Variants in CLCC1 observed in about 807,000 individuals in gnomAD.
CLCC1 encodes the protein chloride channel CLIC-like protein 1.
In CLCC1, 39 loss-of-function variants were observed where a neutral mutation model predicts 63.3. That is an observed-to-expected ratio of 0.62 (90% CI 0.48 to 0.81). The LOEUF (loss-of-function observed/expected upper bound fraction) is 0.81. CLCC1 is among the 30% of genes least tolerant of loss of function. The pLI is 0.00. For missense variants in CLCC1, 549 were observed against 669.4 expected, an observed-to-expected ratio of 0.82 and a Z score of 1.98; for synonymous variants, 217 against 239.8, an observed-to-expected ratio of 0.90 and a Z score of 0.88.
chr1:108,942,168 G>A (rs561360795), intron 7 of CLCC1, among the ~76,000 whole-genome samples: 1 of 152,254 alleles, frequency 6.6e-6, no homozygotes, highest in East Asian at 1.9e-4. Context: ...AACCCGGGAG[G>A]TGGAGGTTGC....
At chr1:108,958,405 A>G (rs1352092772) in intron 2 of CLCC1, among the ~76,000 whole-genome samples, 1 of 151,350 alleles carries the variant, frequency 6.6e-6, no homozygotes, top group African/African-American at 2.5e-5. Flanking sequence ...TAGGTGTCAC[A>G]CTCCAGTCAC....
intron 7 of CLCC1, 129 bp from the exon 8 acceptor site, chr1:108,941,627 T>TA (rs371916059): frequency 7.8e-4 from 377 of 484,568 alleles, no homozygotes; most frequent in East Asian, 1.0e-3. Context: ...AATTTTTAAT[T>TA]AAAAAAAAAC....
Position 108,961,284 on chromosome 1 carries a change from T to TAA in CLCC1, c.-12+1023_-12+1024dup, listed in dbSNP as rs5776958. On this transcript the variant is annotated intron_variant, in intron 2 of 12. Transcript: ENST00000369969. ...CATCTAAACCTGCTGAAGAGTTTGT[T>TAA]AAAAAAAAAAAAAAACGATTCTGAT... is the stretch of plus-strand genomic sequence containing the variant. 2.5e-3 allele frequency among the ~76,000 whole-genome samples: 339 copies of TAA among 133,916 alleles called. 13 individuals are homozygous for TAA. Among genetic ancestry groups the TAA allele is most frequent in the Middle Eastern group, 7.6e-3 (2 of 264 alleles). 87.9% of individuals were successfully genotyped at this position (133,916 alleles called of 152,430 possible).
rs1377228875 is a variant in CLCC1 at position 108,955,630 on chromosome 1, G to A, written c.-11-5182C>T. ...CTGATGTGTCTGAAGGGGTTTCCAG[G>A]GAAGACTGGTTTGTGAGTCAGCTGA... On this transcript the variant is annotated intron_variant, in intron 2 of 12. Coordinates refer to ENST00000369969, the MANE Select transcript of CLCC1 (RefSeq NM_001377458.1). 5.3e-5 allele frequency among the ~76,000 whole-genome samples: 8 copies of A among 151,628 alleles called. No individual in the cohort carries two copies. The South Asian group carries it at 1.7e-3, about 31-fold the overall frequency.
intron 2 of CLCC1, among the ~76,000 whole-genome samples, chr1:108,953,257 G>GC (rs1230807435): frequency 6.6e-6 from 1 of 152,206 alleles, no homozygotes; most frequent in Non-Finnish European, 1.5e-5. Context: ...TTCCCCATGT[G>GC]CCCTGTATAT....
intron 1 of CLCC1, among the ~76,000 whole-genome samples, 193 bp downstream of exon 1, chr1:108,963,168 G>C (rs1041457395): frequency 2.6e-5 from 4 of 152,224 alleles, no homozygotes; most frequent in African/African-American, 9.6e-5. Flanking sequence ...GCAGCCGCCG[G>C]CGCGGGAGCT....
intron 4 of CLCC1, among the ~76,000 whole-genome samples, chr1:108,948,279 G>A (rs76071478): frequency 0.019 from 2,847 of 152,288 alleles, 86 homozygotes; most frequent in African/African-American, 0.064. Flanking sequence ...CAGGAAGGCA[G>A]GAACTGCAGC....
intron 2 of CLCC1, among the ~76,000 whole-genome samples, chr1:108,961,761 G>T (rs1466520250): frequency 6.6e-6 from 1 of 151,958 alleles, no homozygotes; most frequent in Non-Finnish European, 1.5e-5. Flanking sequence ...CGGGAGGCTG[G>T]GGCAGGAGAA....
intron 7 of CLCC1, 63 bp downstream of exon 7, chr1:108,943,412 T>G (rs1464815100): frequency 1.3e-6 from 2 of 1,537,952 alleles, no homozygotes; most frequent in Admixed American, 1.7e-5. Flanking sequence ...CTCAATGGAT[T>G]AGAGTCTTCT....
chr1:108,955,623 T>A (rs954653310), intron 2 of CLCC1, among the ~76,000 whole-genome samples: 1 of 151,238 alleles, frequency 6.6e-6, no homozygotes, highest in Non-Finnish European at 1.5e-5. Flanking sequence ...TCTGAAGGGG[T>A]TTCCAGGGAA....
rs918365470 is a variant in CLCC1, at chr1:108,941,407, C to T, written c.794G>A (p.Trp265Ter). 6.2e-7 allele frequency: 1 copy of T among 1,613,480 alleles called. No individual in the cohort carries two copies. The highest frequency in any genetic ancestry group is 1.3e-5 in the African/African-American group (1 of 74,918). The change falls in exon 8 of 13, where the codon TGG becomes TAG. Residue 265 changes from tryptophan (W) to a stop codon, truncating the protein, a stop_gained and splice_region_variant. Coordinates refer to ENST00000369969, the MANE Select transcript of CLCC1 (RefSeq NM_001377458.1). LOFTEE classifies it high-confidence loss of function. ...GGACAAGTGCACAAACACCTTACCC[C>T]AGATACTTCCAGTCCAGTCCATCTT... ...AKKMDWTGSI[W>*]EWFRSSWTYK... is the part of the protein sequence containing the mutation.
rs372480026 is a variant in CLCC1, at chr1:108,941,482, T to C, written c.719A>G (p.His240Arg). 6.2e-6 allele frequency: 10 copies of C among 1,614,166 alleles called. No homozygotes were observed. Among genetic ancestry groups the C allele is most frequent in the Non-Finnish European group, 6.8e-6 (8 of 1,180,032 alleles). Reference protein sequence around the residue: ...MYLYKLAFAQHQAEVAKMEPL... With the variant: ...MYLYKLAFAQRQAEVAKMEPL... The stretch of plus-strand genomic sequence containing the variant: ...CTCCATCTTGGCGACTTCAGCCTGA[T>C]GCTGTGCAAAAGCTAGCTGCCCAAC... The change falls in exon 8 of 13, where the codon CAT becomes CGT. Residue 240 changes from histidine (H) to arginine (R), a missense_variant. Transcript: ENST00000369969.
intron 2 of CLCC1, among the ~76,000 whole-genome samples, chr1:108,956,825 A>G (rs1437226616): frequency 1.7e-5 from 2 of 116,454 alleles, no homozygotes; most frequent in African/African-American, 5.9e-5. Context: ...AAGCTGAAGC[A>G]GTCAAGGAAC....
intron 11 of CLCC1, among the ~76,000 whole-genome samples, chr1:108,936,085 G>GT (rs530980387): frequency 0.027 from 2,364 of 88,068 alleles, 55 homozygotes; most frequent in East Asian, 0.041. Flanking sequence ...ATCTTAAGTT[G>GT]TTTTTTTTTT....
Position 108,931,324 on chromosome 1 carries a change from A to T in CLCC1, c.*1223T>A. On this transcript the variant is annotated 3_prime_UTR_variant, in exon 13 of 13. Coordinates refer to ENST00000369969, the MANE Select transcript of CLCC1 (RefSeq NM_001377458.1). ...CTTCCTTATCCCAGATATTGAAGGC[A>T]GTTTACAAGGGGATGATAACAAAGT... The T allele has an allele frequency of 6.5e-7, 1 of 1,548,064 alleles. No homozygotes were observed. Among genetic ancestry groups the T allele is most frequent in the Non-Finnish European group, 8.7e-7 (1 of 1,145,410 alleles).
rs562379655 is a variant in CLCC1, at chr1:108,946,031, C to T, written c.339+1580G>A. On this transcript the variant is annotated intron_variant, in intron 5 of 12. Transcript: ENST00000369969. ...CACAAAAATATTAGCCAGACGTGGC[C>T]GGGCGCGGTGGCTCATGCCTATAAT... is the stretch of plus-strand genomic sequence containing the variant. Among the ~76,000 whole-genome samples, 37 of 151,610 alleles carry T rather than the reference C, an allele frequency of 2.4e-4. No individual in the cohort carries two copies. The South Asian group carries it at 6.1e-3, about 25-fold the overall frequency.
chr1:108,955,812 G>A (rs1655815169), intron 2 of CLCC1, among the ~76,000 whole-genome samples: 1 of 151,534 alleles, frequency 6.6e-6, no homozygotes, highest in Non-Finnish European at 1.5e-5. Flanking sequence ...AGGCTCTCCA[G>A]GCTTTGGAAT....
Position 108,963,233 on chromosome 1 carries a change from G to GT in CLCC1, c.-173+127dup, listed in dbSNP as rs1224893095. On this transcript the variant is annotated intron_variant, in intron 1 of 12. Coordinates refer to ENST00000369969, the MANE Select transcript of CLCC1 (RefSeq NM_001377458.1). Reference sequence around the variant, plus strand: ...GCAGCGGACGCACGCAGCTAGCACGGTCCCCGCCCCGGGTCGCGCCTGCGG... The same window carrying GT: ...GCAGCGGACGCACGCAGCTAGCACGGTTCCCCGCCCCGGGTCGCGCCTGCGG... 5.0e-6 allele frequency: 3 copies of GT among 599,578 alleles called. No homozygotes were observed. In the Admixed American group the frequency reaches 7.9e-5, roughly 16 times the overall value. 37.1% of individuals were successfully genotyped at this position (599,578 alleles called of 1,614,324 possible). A position where few individuals can be genotyped will look rare whatever the true frequency, so the allele number is the denominator to read the frequency against.
At chr1:108,940,018 G>A in intron 9 of CLCC1, 27 bp downstream of exon 9, 1 of 1,528,026 alleles carries the variant, frequency 6.5e-7, no homozygotes, top group Non-Finnish European at 9.0e-7. Context: ...CTGACTTTAA[G>A]TAATTTTTAC....
Sources: gnomAD v4.1 joint callset for allele counts (sites outside exome capture counted in the v4.1 genomes callset) on GRCh38, gnomAD v4.1.1 for gene constraint, MANE v1.5 for transcripts, NCBI Gene and HGNC (gene_info 2026-07-23, HGNC 2026-07-21) for gene names.